Variants in SLC44A5 observed in about 807,000 individuals in gnomAD.
SLC44A5 encodes solute carrier family 44 member 5.
SLC44A5 carries 57 observed loss-of-function variants against 101.8 expected under a neutral mutation model. That is an observed-to-expected ratio of 0.56 (90% confidence interval 0.45 to 0.70). SLC44A5 has a LOEUF of 0.70. Ranked by LOEUF, SLC44A5 falls within the 30% of genes least tolerant of loss-of-function variation. SLC44A5 has a pLI of 0.00. For synonymous variants in SLC44A5, 281 were observed against 290.9 expected (o/e 0.97, Z 0.35); for missense variants, 737 against 853.1 (o/e 0.86, Z 1.70).
At chr1:75,369,727 G>C (rs990607996) in intron 3 of SLC44A5, among the ~76,000 whole-genome samples, 5 of 151,966 alleles carry the variant, frequency 3.3e-5, no homozygotes, top group Non-Finnish European at 7.4e-5. Context: ...ATTAAATGTG[G>C]TTCTTTCATT....
intron 1 of SLC44A5, among the ~76,000 whole-genome samples, chr1:75,600,657 G>A (rs935434383): frequency 1.3e-5 from 2 of 152,124 alleles, no homozygotes; most frequent in Non-Finnish European, 2.9e-5. Flanking sequence ...GGTCCCATAA[G>A]ATTATGATAT....
chr1:75,408,354 T>C (rs1020923300), intron 2 of SLC44A5, among the ~76,000 whole-genome samples: 29 of 152,286 alleles, frequency 1.9e-4, no homozygotes, highest in Non-Finnish European at 4.3e-4. Flanking sequence ...CCAGCAATCC[T>C]ATTACTGGGT....
intron 1 of SLC44A5, among the ~76,000 whole-genome samples, chr1:75,597,505 A>C (rs755538718): frequency 2.0e-5 from 3 of 152,200 alleles, no homozygotes; most frequent in Non-Finnish European, 4.4e-5. Flanking sequence ...TCATACACAA[A>C]AAGAGTAAAG....
chr1:75,516,465 G>C (rs1049634866), intron 2 of SLC44A5, among the ~76,000 whole-genome samples: 2 of 151,968 alleles, frequency 1.3e-5, no homozygotes, highest in African/African-American at 2.4e-5. Flanking sequence ...TGCAGTGAGC[G>C]GAGATCGCAC....
At chr1:75,441,031 A>G (rs1378599312) in intron 2 of SLC44A5, among the ~76,000 whole-genome samples, 1 of 152,038 alleles carries the variant, frequency 6.6e-6, no homozygotes. Flanking sequence ...ATTCTGCAAA[A>G]TAGCATACAT....
rs189922022 is a variant in SLC44A5 at position 75,565,878 on chromosome 1, G to A, written c.-69-24362C>T. Among the ~76,000 whole-genome samples the A allele has an allele frequency of 2.6e-5, 4 of 152,280 alleles. No homozygotes were observed. In the East Asian group the frequency reaches 7.7e-4, roughly 29 times the overall value. On this transcript the variant is annotated intron_variant, in intron 1 of 23. Coordinates refer to ENST00000370859, the MANE Select transcript of SLC44A5 (RefSeq NM_001130058.2). ...GTATGGATAGACCTTTATAGGTAATGAAGTAGCATCTGAAATACAAATTTT... is the reference window on the plus strand; with the variant it reads ...GTATGGATAGACCTTTATAGGTAATAAAGTAGCATCTGAAATACAAATTTT...
intron 2 of SLC44A5, among the ~76,000 whole-genome samples, chr1:75,516,472 G>T (rs1450101489): frequency 6.6e-6 from 1 of 152,044 alleles, no homozygotes; most frequent in African/African-American, 2.4e-5. Context: ...AGCGGAGATC[G>T]CACCACTGCA....
chr1:75,614,950 G>A (rs1347855054), upstream of SLC44A5, among the ~76,000 whole-genome samples: 3 of 152,064 alleles, frequency 2.0e-5, no homozygotes, highest in Non-Finnish European at 4.4e-5. Context: ...CTGCGAGTCC[G>A]CGCTGCGGGA....
chr1:75,544,679 C>CTGT (rs1431077393), intron 1 of SLC44A5, among the ~76,000 whole-genome samples: 1 of 152,166 alleles, frequency 6.6e-6, no homozygotes, highest in African/African-American at 2.4e-5. Context: ...TTACGCAATA[C>CTGT]TGTTATCCAA....
In SLC44A5 at chr1:75,552,606, A is replaced by AAGCATAAAT. The variant is rs1419145904; in HGVS notation, c.-69-11099_-69-11091dup. On this transcript the variant is annotated intron_variant, in intron 1 of 23. Transcript: ENST00000370859. ...TGATCAAAACTTGTTGAATTTTTTAAAGCATAAATTGTATGGCTGGTTTTT... is the reference window on the plus strand; with the variant it reads ...TGATCAAAACTTGTTGAATTTTTTAAAGCATAAATAGCATAAATTGTATGGCTGGTTTTT... 4.3e-4 allele frequency among the ~76,000 whole-genome samples: 65 copies of AAGCATAAAT among 149,956 alleles called. No individual in the cohort carries two copies. In the East Asian group the frequency reaches 0.013, roughly 29 times the overall value.
intron 2 of SLC44A5, among the ~76,000 whole-genome samples, chr1:75,480,657 C>T (rs1667781414): frequency 1.3e-5 from 2 of 152,018 alleles, no homozygotes. Flanking sequence ...TTCGCAATTG[C>T]TTCAAAGAGA....
intron 21 of SLC44A5, 32 bp downstream of exon 21, chr1:75,213,887 T>G (rs1158933281): frequency 6.5e-7 from 1 of 1,543,950 alleles, no homozygotes; most frequent in Non-Finnish European, 8.8e-7. Flanking sequence ...TTTTAAACTT[T>G]TTTTTTTATT....
Position 75,283,349 on chromosome 1 carries a change from G to T in SLC44A5, c.176-8307C>A, listed in dbSNP as rs1387746550. ...TGCCCACTTTTTGATCAGATTCTTT[G>T]GTGTTTTTCTTTCTGATTTGTTTGA... is the stretch of plus-strand genomic sequence containing the variant. On this transcript the variant is annotated intron_variant, in intron 5 of 23. Coordinates refer to ENST00000370859, the MANE Select transcript of SLC44A5 (RefSeq NM_001130058.2). Among the ~76,000 whole-genome samples the T allele has an allele frequency of 2.0e-5, 3 of 151,810 alleles. No homozygotes were observed. In the South Asian group the frequency reaches 6.2e-4, roughly 32 times the overall value.
chr1:75,680,066 C>T, the SLC44A5 span, among the ~76,000 whole-genome samples: 1 of 152,140 alleles, frequency 6.6e-6, no homozygotes, highest in East Asian at 1.9e-4. Context: ...AGCTAACTAT[C>T]CTAAATATAC....
At chr1:75,679,324 G>C in the SLC44A5 span, among the ~76,000 whole-genome samples, 2 of 152,146 alleles carry the variant, frequency 1.3e-5, no homozygotes, top group Non-Finnish European at 2.9e-5. Context: ...ATTCACCAAA[G>C]TTGAAATGAA....
At chr1:75,247,571 A>G (rs1464228197) in intron 7 of SLC44A5, among the ~76,000 whole-genome samples, 2 of 152,080 alleles carry the variant, frequency 1.3e-5, no homozygotes, top group African/African-American at 2.4e-5. Flanking sequence ...AGACTTAGAA[A>G]AGGACCAAGC....
intron 3 of SLC44A5, among the ~76,000 whole-genome samples, chr1:75,354,964 A>G (rs1313772294): frequency 6.6e-6 from 1 of 152,206 alleles, no homozygotes; most frequent in African/African-American, 2.4e-5. Flanking sequence ...CAACATTAAA[A>G]TTGAGAAATA....
chr1:75,265,616 C>T (rs1650920325), intron 6 of SLC44A5, among the ~76,000 whole-genome samples: 1 of 152,146 alleles, frequency 6.6e-6, no homozygotes, highest in Non-Finnish European at 1.5e-5. Flanking sequence ...GATGAATACA[C>T]TAAATACCCT....
chr1:75,634,925 T>C, the SLC44A5 span, among the ~76,000 whole-genome samples: 14 of 152,226 alleles, frequency 9.2e-5, no homozygotes, highest in South Asian at 2.1e-4. Context: ...AAAGGGCTAA[T>C]ATCTAGAATC....
Sources: gnomAD v4.1 joint callset for allele counts (sites outside exome capture counted in the v4.1 genomes callset) on GRCh38, gnomAD v4.1.1 for gene constraint, MANE v1.5 for transcripts, NCBI Gene and HGNC (gene_info 2026-07-23, HGNC 2026-07-21) for gene names.